LRRC51: variants seen among roughly 807,000 people sequenced by gnomAD.
LRRC51 encodes the protein leucine rich repeat containing 51.
Under a neutral mutation model 17.8 loss-of-function variants are expected in LRRC51, and 8 were observed. The observed-to-expected ratio is 0.45, with a 90% CI of 0.26 to 0.81. The LOEUF (loss-of-function observed/expected upper bound fraction) is 0.81, where lower values mean the gene tolerates loss of function less well. LRRC51 is among the 30% of genes least tolerant of loss of function. The pLI is 0.17. For missense variants in LRRC51, 233 were observed against 239.3 expected (o/e 0.97, Z 0.17); for synonymous variants, 92 against 96.0 (o/e 0.96, Z 0.24).
intron 3 of LRRC51, among the ~76,000 whole-genome samples, chr11:72,090,695 A>C (rs1053044947): frequency 6.6e-6 from 1 of 152,172 alleles, no homozygotes; most frequent in Non-Finnish European, 1.5e-5. Flanking sequence ...ACAGAATCTG[A>C]AACGGCAGTG....
In LRRC51 at chr11:72,095,861, T is replaced by TG; in HGVS notation, c.*341_*342insG. 2.7e-6 allele frequency: 1 copy of TG among 371,442 alleles called. No homozygotes were observed. The highest frequency in any genetic ancestry group is 5.1e-6 in the Non-Finnish European group (1 of 196,014). 23.0% of individuals were successfully genotyped at this position (371,442 alleles called of 1,614,324 possible). On this transcript the variant is annotated 3_prime_UTR_variant, in exon 6 of 6. Transcript: ENST00000289488. ...CTAATTTTGTTGTTGTTGTTGTTGTTTTGAGACGGTTTCACTCGTCACCCC... is the reference window on the plus strand; with the variant it reads ...CTAATTTTGTTGTTGTTGTTGTTGTTGTTGAGACGGTTTCACTCGTCACCCC...
intron 3 of LRRC51, among the ~76,000 whole-genome samples, chr11:72,092,351 T>C (rs1284851450): frequency 6.6e-6 from 1 of 152,234 alleles, no homozygotes; most frequent in Non-Finnish European, 1.5e-5. Context: ...TACCAGTTAA[T>C]ACAACTGGCA....
At chr11:72,087,960 G>C (rs376291192) in intron 1 of LRRC51, among the ~76,000 whole-genome samples, 147 of 152,218 alleles carry the variant, frequency 9.7e-4, no homozygotes, top group African/African-American at 3.4e-3. Context: ...TGTTATTATT[G>C]TAAACCTGAA....
intron 1 of LRRC51, among the ~76,000 whole-genome samples, chr11:72,082,257 C>T (rs1281129671): frequency 6.6e-6 from 1 of 152,224 alleles, no homozygotes; most frequent in African/African-American, 2.4e-5. Flanking sequence ...ACACAGCACC[C>T]ATGTCTGAAG....
intron 2 of LRRC51, 170 bp downstream of exon 2, chr11:72,088,550 G>A: frequency 1.6e-6 from 1 of 630,020 alleles, no homozygotes. Context: ...GAGAGGGGTG[G>A]TGAGACACCA....
chr11:72,095,112 C>T lies in LRRC51; in HGVS notation c.437+16C>T. ...AAGGGTATAGGTAAGTGCCCTGCCC[C>T]TGGAGGTAGCGTCTAGCTGGGCTCC... is the stretch of plus-strand genomic sequence containing the variant. On this transcript the variant is annotated intron_variant, in intron 5 of 5. Transcript: ENST00000289488. 1 of 1,612,436 alleles carries T rather than the reference C, an allele frequency of 6.2e-7. No individual in the cohort carries two copies. Among genetic ancestry groups the T allele is most frequent in the Non-Finnish European group, 8.5e-7 (1 of 1,178,860 alleles).
At chr11:72,094,284 C>CAA (rs1280494529) in intron 4 of LRRC51, among the ~76,000 whole-genome samples, 183 of 81,308 alleles carry the variant, frequency 2.3e-3, no homozygotes, top group Middle Eastern at 8.1e-3. Flanking sequence ...GACTCCGTCT[C>CAA]AAAAAAAAAA....
At chr11:72,087,873 T>G (rs573788938) in intron 1 of LRRC51, among the ~76,000 whole-genome samples, 1 of 152,338 alleles carries the variant, frequency 6.6e-6, no homozygotes, top group African/African-American at 2.4e-5. Context: ...AATTTTAAAT[T>G]ATATATATGG....
intron 1 of LRRC51, among the ~76,000 whole-genome samples, chr11:72,087,808 T>C (rs1223665288): frequency 6.6e-6 from 1 of 152,224 alleles, no homozygotes; most frequent in Non-Finnish European, 1.5e-5. Context: ...TTGGGTAAAA[T>C]TAAGTTATTA....
At chr11:72,090,188 C>T (rs999280076) in intron 3 of LRRC51, among the ~76,000 whole-genome samples, 1 of 152,174 alleles carries the variant, frequency 6.6e-6, no homozygotes, top group Admixed American at 6.5e-5. Flanking sequence ...CTTTATTGTG[C>T]ACTGCATCAC....
At chr11:72,088,648 C>A in intron 2 of LRRC51, 1 of 557,210 alleles carries the variant, frequency 1.8e-6, no homozygotes, top group Non-Finnish European at 3.2e-6. Context: ...AAGACAGTCT[C>A]CACAGTAACT....
intron 3 of LRRC51, among the ~76,000 whole-genome samples, chr11:72,090,042 A>G (rs1433522998): frequency 1.3e-5 from 2 of 152,262 alleles, no homozygotes; most frequent in Non-Finnish European, 2.9e-5. Context: ...GGCAACTGGT[A>G]GCCACTGCCT....
intron 5 of LRRC51, 112 bp from the exon 6 acceptor site, chr11:72,095,267 A>G: frequency 6.3e-7 from 1 of 1,598,374 alleles, no homozygotes; most frequent in South Asian, 1.1e-5. Flanking sequence ...TCTTTCCCAA[A>G]CTATGCTCAA....
chr11:72,088,544 G>C (rs146731619), intron 2 of LRRC51, 164 bp downstream of exon 2: 1 of 634,134 alleles, frequency 1.6e-6, no homozygotes, highest in African/African-American at 1.8e-5. Context: ...CAGACTGAGA[G>C]GGGTGGTGAG....
At chr11:72,090,817 T>C (rs998077018) in intron 3 of LRRC51, among the ~76,000 whole-genome samples, 1 of 152,152 alleles carries the variant, frequency 6.6e-6, no homozygotes, top group African/African-American at 2.4e-5. Context: ...CACCTTCCAG[T>C]TGGTGGTTGA....
chr11:72,089,718 A>G, intron 3 of LRRC51: 1 of 630,288 alleles, frequency 1.6e-6, no homozygotes, highest in Non-Finnish European at 2.2e-6. Flanking sequence ...AATTTCTTAC[A>G]CTCATTCCAG....
At chr11:72,088,974 G>A in intron 2 of LRRC51, 55 bp from the exon 3 acceptor site, 1 of 1,598,234 alleles carries the variant, frequency 6.3e-7, no homozygotes, top group Non-Finnish European at 8.5e-7. Flanking sequence ...GGAGGACTAT[G>A]GGGAAACCTG....
intron 1 of LRRC51, among the ~76,000 whole-genome samples, chr11:72,087,476 G>A (rs1427637137): frequency 6.6e-6 from 1 of 151,992 alleles, no homozygotes; most frequent in East Asian, 1.9e-4. Context: ...CAATTTCATT[G>A]TCTCTGCAAA....
At chr11:72,092,796 A>C (rs1474889132) in intron 3 of LRRC51, among the ~76,000 whole-genome samples, 1 of 152,138 alleles carries the variant, frequency 6.6e-6, no homozygotes, top group African/African-American at 2.4e-5. Flanking sequence ...AACATCCCCT[A>C]ATCCATGGAG....
Sources: allele counts gnomAD v4.1 joint callset (sites outside exome capture counted in the v4.1 genomes callset), GRCh38; gene constraint gnomAD v4.1.1; transcripts MANE v1.5; gene names NCBI Gene and HGNC (gene_info 2026-07-23, HGNC 2026-07-21).